The following OLFM1 variants were observed in gnomAD, a reference collection of about 807,000 sequenced individuals.
The protein encoded by OLFM1 is noelin.
OLFM1 carries 9 observed loss-of-function variants against 49.7 expected under a neutral mutation model. The ratio of observed to expected loss-of-function variants is 0.18; its 90% confidence interval spans 0.11 to 0.32. The LOEUF (loss-of-function observed/expected upper bound fraction) is 0.32, where lower values mean the gene tolerates loss of function less well. Among genes scored for constraint, OLFM1 ranks in the 10% least tolerant of loss-of-function variants. OLFM1 has a pLI of 1.00. For missense variants in OLFM1, 369 were observed against 661.8 expected, an observed-to-expected ratio of 0.56 and a Z score of 4.85; for synonymous variants, 240 against 271.8, an observed-to-expected ratio of 0.88 and a Z score of 1.15.
At position 135,088,643 on chromosome 9, in the gene OLFM1, A is replaced by G. The variant is rs58207509; in HGVS notation, c.150+504A>G. Among the ~76,000 whole-genome samples, 6,625 of 151,964 alleles carry G rather than the reference A, an allele frequency of 0.044. 324 individuals carry two copies. The highest frequency in any genetic ancestry group is 0.12 in the African/African-American group (4,845 of 41,440). ...CGGACCGGGCTGGGAGTGGGGCCCCAGCCGGTGGGCTCCGGAGCTCCTGCC... is the reference window on the plus strand; with the variant it reads ...CGGACCGGGCTGGGAGTGGGGCCCCGGCCGGTGGGCTCCGGAGCTCCTGCC... On this transcript the variant is annotated intron_variant, in intron 1 of 5. Coordinates refer to ENST00000371793, the MANE Select transcript of OLFM1 (RefSeq NM_001282611.2). The surrounding 1 kb of genome is among the most constrained non-coding windows in gnomAD (Gnocchi z 4.8).
At position 135,117,248 on chromosome 9, in the gene OLFM1, G is replaced by A. The variant is rs57664588; in HGVS notation, c.784-2256G>A. 0.015 allele frequency among the ~76,000 whole-genome samples: 2,262 copies of A among 152,254 alleles called. 51 individuals are homozygous for A. Among genetic ancestry groups the A allele is most frequent in the African/African-American group, 0.051 (2,137 of 41,536 alleles). ...TCTTCTTCTGTAACCCCAAACTTGG[G>A]CCATTACTGGGTTTGCTATCTTGGT... On this transcript the variant is annotated intron_variant, in intron 5 of 5. Transcript: ENST00000371793. This position sits in a 1 kb window ranked among gnomAD's most constrained non-coding sequence, Gnocchi z 5.5.
intron 5 of OLFM1, among the ~76,000 whole-genome samples, chr9:135,107,716 G>T (rs1035696989): frequency 6.6e-6 from 1 of 152,224 alleles, no homozygotes; most frequent in African/African-American, 2.4e-5. Flanking sequence ...TCAGGGGTTT[G>T]CAGGACACTT....
chr9:135,092,733 C>T (rs1188956011), intron 2 of OLFM1, among the ~76,000 whole-genome samples: 1 of 152,232 alleles, frequency 6.6e-6, no homozygotes, highest in African/African-American at 2.4e-5. Context: ...ATGTTCCTTC[C>T]TGCCTGTGCG....
chr9:135,091,993 C>T (rs976753542), intron 2 of OLFM1, among the ~76,000 whole-genome samples: 8 of 152,084 alleles, frequency 5.3e-5, no homozygotes, highest in Admixed American at 4.6e-4. Context: ...CTGGAATGGG[C>T]GTCAGCTCAG....
chr9:135,116,667 T>C (rs1355460359), intron 5 of OLFM1, among the ~76,000 whole-genome samples: 1 of 151,894 alleles, frequency 6.6e-6, no homozygotes, highest in Non-Finnish European at 1.5e-5. Context: ...TGGTATTAGA[T>C]GTGAGTTTCA....
chr9:135,096,536 G>C (rs1398788594), intron 3 of OLFM1, among the ~76,000 whole-genome samples: 1 of 152,258 alleles, frequency 6.6e-6, no homozygotes, highest in Non-Finnish European at 1.5e-5. Context: ...GACAGGGGCG[G>C]CCTGAGTGGT....
chr9:135,110,343 C>T (rs1419784635), intron 5 of OLFM1, among the ~76,000 whole-genome samples: 1 of 152,198 alleles, frequency 6.6e-6, no homozygotes, highest in Non-Finnish European at 1.5e-5. Flanking sequence ...GGTCAGCTCA[C>T]ATCAGACACC....
At chr9:135,085,868 T>C (rs1054438013), upstream of OLFM1, among the ~76,000 whole-genome samples, 3 of 152,240 alleles carry the variant, frequency 2.0e-5, no homozygotes, top group Non-Finnish European at 2.9e-5. Context: ...CAGGACAGTT[T>C]GGAGCAGGTG....
At position 135,090,228 on chromosome 9, in the gene OLFM1, G is replaced by A; in HGVS notation, c.184G>A (p.Val62Met). Residue 62 changes from valine to methionine, a missense_variant, in exon 2 of 6, where the codon GTG becomes ATG. Physicochemically the swap from Val to Met is conservative, Grantham distance 21. Around this residue, in one of 3 missense-constraint regions of OLFM1, gnomAD observed 55 missense variants for 53.3 expected, o/e 1.03. Coordinates refer to ENST00000371793, the MANE Select transcript of OLFM1 (RefSeq NM_001282611.2). ...CACCAACCCTGAGGAGAGCTGGCAGGTGTACAGCTCTGCCCAGGACAGCGA... is the reference window on the plus strand; with the variant it reads ...CACCAACCCTGAGGAGAGCTGGCAGATGTACAGCTCTGCCCAGGACAGCGA... ...LPTNPEESWQ[V>M]YSSAQDSEGR... is the part of the protein sequence containing the mutation. 1 of 1,613,712 alleles carries A rather than the reference G, an allele frequency of 6.2e-7. No individual in the cohort carries two copies. The highest frequency in any genetic ancestry group is 8.5e-7 in the Non-Finnish European group (1 of 1,179,832).
chr9:135,076,866 A>G lies in OLFM1; in HGVS notation c.96+1064A>G, dbSNP rs1443987840. 6.4e-6 allele frequency: 10 copies of G among 1,550,458 alleles called. No individual in the cohort carries two copies. The Admixed American group carries it at 2.0e-4, about 30-fold the overall frequency. ...GGGAGGGCCAGAGAGCGAGAGGAAG[A>G]CCACAGGAGAGAAGACACTGAACGA... On this transcript the variant is annotated intron_variant, in intron 1 of 5. Coordinates refer to the OLFM1 transcript ENST00000252854.
At chr9:135,086,722 C>G, upstream of OLFM1, 1 of 455,864 alleles carries the variant, frequency 2.2e-6, no homozygotes, top group African/African-American at 2.0e-5. Context: ...GACTGACACG[C>G]GTGAGTCCTG....
intron 1 of OLFM1, among the ~76,000 whole-genome samples, chr9:135,078,378 C>T (rs918224988): frequency 5.9e-5 from 9 of 152,346 alleles, no homozygotes; most frequent in African/African-American, 2.2e-4. Context: ...ATCCTACCTG[C>T]ACTTAAGAAA....
chr9:135,094,977 T>A (rs1455856410), intron 2 of OLFM1: 1 of 152,192 alleles, frequency 6.6e-6, no homozygotes, highest in Admixed American at 6.5e-5. Context: ...AATCCTCAGC[T>A]TCCTCCCGCC....
chr9:135,108,729 G>T (rs1830981501), intron 5 of OLFM1, among the ~76,000 whole-genome samples: 1 of 152,172 alleles, frequency 6.6e-6, no homozygotes, highest in Non-Finnish European at 1.5e-5. Flanking sequence ...AATAGCGGGG[G>T]AAGGACGGGG....
At chr9:135,094,966 C>G (rs143093625) in intron 2 of OLFM1, 1 of 152,208 alleles carries the variant, frequency 6.6e-6, no homozygotes, top group African/African-American at 2.4e-5. Context: ...ACCACTGCAG[C>G]AATCCTCAGC....
chr9:135,081,054 G>T (rs1050621324), intron 1 of OLFM1, among the ~76,000 whole-genome samples: 2 of 152,074 alleles, frequency 1.3e-5, no homozygotes, highest in Non-Finnish European at 2.9e-5. Context: ...CAGGAATCCC[G>T]CCAGTGGCGA....
intron 3 of OLFM1, chr9:135,097,911 C>T: frequency 6.5e-7 from 1 of 1,536,404 alleles, no homozygotes; most frequent in Non-Finnish European, 8.7e-7. Flanking sequence ...TACTTAGCAC[C>T]ATTTCACTAA....
chr9:135,095,075 T>G (rs1013719749), intron 2 of OLFM1: 3 of 152,280 alleles, frequency 2.0e-5, no homozygotes, highest in African/African-American at 7.2e-5. Flanking sequence ...ACTAAAACTG[T>G]TTTTCTTTTA....
upstream of OLFM1, among the ~76,000 whole-genome samples, chr9:135,085,445 G>C (rs1480673524): frequency 1.3e-5 from 2 of 152,238 alleles, no homozygotes; most frequent in Non-Finnish European, 2.9e-5. Flanking sequence ...ACCTTGGACA[G>C]GTCTTATCAT....
Sources: allele counts gnomAD v4.1 joint callset (sites outside exome capture counted in the v4.1 genomes callset), GRCh38; gene constraint gnomAD v4.1.1; regional missense constraint gnomAD v4.1.1; non-coding constraint Gnocchi (gnomAD v3.1); transcripts MANE v1.5; gene names NCBI Gene and HGNC (gene_info 2026-07-23, HGNC 2026-07-21).